TNS1: variants seen among roughly 807,000 people sequenced by gnomAD.
The protein encoded by TNS1 is tensin-1.
Under a neutral mutation model 168.6 loss-of-function variants are expected in TNS1, and 62 were observed. The ratio of observed to expected loss-of-function variants is 0.37; its 90% confidence interval spans 0.30 to 0.45. TNS1 has a LOEUF of 0.45. Ranked by LOEUF, TNS1 falls within the 20% of genes least tolerant of loss-of-function variation. TNS1 has a pLI of 1.00. For synonymous variants in TNS1, 934 were observed against 933.2 expected, an observed-to-expected ratio of 1.00 and a Z score of -0.02; for missense variants, 2,240 against 2,339.4, an observed-to-expected ratio of 0.96 and a Z score of 0.88.
chr2:217,832,336 T>C (rs953057347), intron 21 of TNS1, among the ~76,000 whole-genome samples: 1 of 152,110 alleles, frequency 6.6e-6, no homozygotes, highest in African/African-American at 2.4e-5. Flanking sequence ...GCTGCTGGCT[T>C]TTTCCCATTA....
At chr2:217,879,180 AC>A in intron 18 of TNS1, 1 of 273,204 alleles carries the variant, frequency 3.7e-6, no homozygotes, top group South Asian at 2.9e-5. Context: ...TCTCCTCCTC[AC>A]CGTTAATTAT....
intron 23 of TNS1, among the ~76,000 whole-genome samples, chr2:217,821,500 T>C (rs1263358238): frequency 6.6e-6 from 1 of 152,170 alleles, no homozygotes; most frequent in Non-Finnish European, 1.5e-5. Context: ...CAGCACAGTT[T>C]TGGATGGGCG....
intron 1 of TNS1, among the ~76,000 whole-genome samples, chr2:218,024,260 G>T (rs1255998348): frequency 6.6e-6 from 1 of 152,118 alleles, no homozygotes; most frequent in Non-Finnish European, 1.5e-5. Context: ...AGGATCAAAG[G>T]GGTCTTGGGA....
intron 18 of TNS1, chr2:217,859,806 G>T: frequency 2.2e-6 from 2 of 896,190 alleles, no homozygotes; most frequent in Non-Finnish European, 3.5e-6. Context: ...AAAGGCAGGT[G>T]AACGGCCCTC....
intron 1 of TNS1, among the ~76,000 whole-genome samples, chr2:218,008,488 A>G (rs1958679482): frequency 6.6e-6 from 1 of 152,154 alleles, no homozygotes; most frequent in African/African-American, 2.4e-5. Flanking sequence ...AAATCTAGAA[A>G]TCCAGACTCC....
At chr2:217,946,634 G>C (rs567295350) in intron 3 of TNS1, among the ~76,000 whole-genome samples, 4 of 152,106 alleles carry the variant, frequency 2.6e-5, no homozygotes, top group African/African-American at 9.7e-5. Flanking sequence ...ATCCCACAAA[G>C]GTCTGTGACA....
intron 2 of TNS1, among the ~76,000 whole-genome samples, chr2:217,985,764 G>A (rs1248767888): frequency 1.3e-5 from 2 of 152,094 alleles, no homozygotes; most frequent in Non-Finnish European, 2.9e-5. Context: ...CTTAGAGGGG[G>A]AAGCAATCAG....
At position 217,885,081 on chromosome 2, in the gene TNS1, G is replaced by T; in HGVS notation, c.1200C>A (p.Asp400Glu). The change falls in exon 16 of 33, where the codon GAC becomes GAA. Residue 400 changes from aspartate (D) to glutamate (E), a missense_variant. Transcript: ENST00000682258. The stretch of plus-strand genomic sequence containing the variant: ...CCTCCTTCCCAAAGACAACCCCCAG[G>T]TCATGGATGGCACAGGTGTGGAACT... ...RVQFHTCAIH[D>E]LGVVFGKEDL... is the part of the protein sequence containing the mutation. 1.2e-6 allele frequency: 2 copies of T among 1,614,242 alleles called. No homozygotes were observed. The highest frequency in any genetic ancestry group is 1.1e-5 in the South Asian group (1 of 91,086).
chr2:217,882,333 A>T lies in TNS1; in HGVS notation c.1312+13T>A. 6.3e-7 allele frequency: 1 copy of T among 1,581,350 alleles called. No individual in the cohort carries two copies. Among genetic ancestry groups the T allele is most frequent in the Non-Finnish European group, 8.7e-7 (1 of 1,154,674 alleles). On this transcript the variant is annotated intron_variant, in intron 17 of 32. Transcript: ENST00000682258. ...GGAAGGAGTGAGAGAATGAATTCTAACTCGGCTTATACCTTGAATTTTCTC... is the reference window on the plus strand; with the variant it reads ...GGAAGGAGTGAGAGAATGAATTCTATCTCGGCTTATACCTTGAATTTTCTC...
intron 1 of TNS1, among the ~76,000 whole-genome samples, chr2:217,993,343 A>G (rs1426226052): frequency 1.3e-5 from 2 of 152,226 alleles, no homozygotes; most frequent in African/African-American, 4.8e-5. Flanking sequence ...AATTACAAAG[A>G]AGAAGAAAGT....
At chr2:217,941,623 C>T (rs531954963) in intron 3 of TNS1, among the ~76,000 whole-genome samples, 1 of 152,274 alleles carries the variant, frequency 6.6e-6, no homozygotes, top group African/African-American at 2.4e-5. Context: ...GAGAACTCCC[C>T]GACTCCAAGT....
At chr2:217,865,121 G>A (rs1949154486) in intron 18 of TNS1, among the ~76,000 whole-genome samples, 1 of 152,272 alleles carries the variant, frequency 6.6e-6, no homozygotes, top group Middle Eastern at 3.4e-3. Flanking sequence ...GTGGTTCCAT[G>A]TGTGAGAGGT....
At chr2:217,936,194 G>A (rs1051437701) in intron 3 of TNS1, among the ~76,000 whole-genome samples, 40 of 152,196 alleles carry the variant, frequency 2.6e-4, no homozygotes, top group South Asian at 2.1e-4. Flanking sequence ...ACTCCTGTTC[G>A]TTCATTCATT....
At position 218,027,128 on chromosome 2, in the gene TNS1, C is replaced by T. The variant is rs184881894; in HGVS notation, c.156+6692G>A. Among the ~76,000 whole-genome samples the T allele has an allele frequency of 9.2e-5, 14 of 152,232 alleles. 2 individuals are homozygous for T. The highest frequency in any genetic ancestry group is 7.7e-4 in the East Asian group (4 of 5,174). ...CACCCCACAAACACACACACACACACGCTCATTCTTGTTTGGCCCAGCCAT... is the reference window on the plus strand; with the variant it reads ...CACCCCACAAACACACACACACACATGCTCATTCTTGTTTGGCCCAGCCAT... On this transcript the variant is annotated intron_variant, in intron 1 of 1. Coordinates refer to the TNS1 transcript ENST00000649572.
chr2:217,996,928 C>T (rs1958480616), intron 1 of TNS1, among the ~76,000 whole-genome samples: 1 of 152,120 alleles, frequency 6.6e-6, no homozygotes, highest in South Asian at 2.1e-4. Context: ...CCAGCCCACC[C>T]TGCCAGTCCC....
rs538223123 is a variant in TNS1, at chr2:217,812,020, A to C, written c.5032+348T>G. On this transcript the variant is annotated intron_variant, in intron 28 of 32. Coordinates refer to ENST00000682258, the MANE Select transcript of TNS1 (RefSeq NM_001387777.1). Reference sequence around the variant, plus strand: ...AGTCTGCCTCCCCACTCTCTTCCCCAGATGCCCATCTCATCCTCCAGGACA... The same window carrying C: ...AGTCTGCCTCCCCACTCTCTTCCCCCGATGCCCATCTCATCCTCCAGGACA... 3.3e-5 allele frequency among the ~76,000 whole-genome samples: 5 copies of C among 152,180 alleles called. No homozygotes were observed. The South Asian group carries it at 1.0e-3, about 32-fold the overall frequency.
intron 3 of TNS1, chr2:217,944,025 G>GGTGCAAGGAGCAGA (rs2125951631): frequency 6.5e-6 from 1 of 152,726 alleles, no homozygotes; most frequent in East Asian, 1.9e-4. Flanking sequence ...CAGGGAGCGG[G>GGTGCAAGGAGCAGA]GTGCAAGGAG....
chr2:217,866,944 C>T (rs994832266), intron 18 of TNS1, among the ~76,000 whole-genome samples: 8 of 152,210 alleles, frequency 5.3e-5, no homozygotes, highest in African/African-American at 1.7e-4. Context: ...CTCCTCAGGA[C>T]TCCTACCCTT....
chr2:218,031,339 G>A (rs1235947245), intron 1 of TNS1, among the ~76,000 whole-genome samples: 2 of 147,568 alleles, frequency 1.4e-5, no homozygotes, highest in Admixed American at 1.3e-4. Context: ...ATGTCTGTGT[G>A]TGAGTGTATG....
Sources: allele counts gnomAD v4.1 joint callset (sites outside exome capture counted in the v4.1 genomes callset), GRCh38; gene constraint gnomAD v4.1.1; transcripts MANE v1.5; gene names NCBI Gene and HGNC (gene_info 2026-07-23, HGNC 2026-07-21).